AP2B1: variants seen among roughly 807,000 people sequenced by gnomAD.
The protein encoded by AP2B1 is AP-2 complex subunit beta.
A neutral mutation model predicts 102.0 loss-of-function variants in AP2B1; 23 were observed. The observed-to-expected ratio is 0.23, with a 90% CI of 0.16 to 0.32. The LOEUF is 0.32. AP2B1 is among the 10% of genes least tolerant of loss of function. AP2B1 has a pLI of 1.00. For missense variants in AP2B1, 541 were observed against 1,157.4 expected (o/e 0.47, Z 7.73); for synonymous variants, 381 against 421.2 (o/e 0.90, Z 1.17).
intron 21 of AP2B1, among the ~76,000 whole-genome samples, chr17:35,718,312 CTGTGTGTGTGTGTGTGTG>C (rs57852031): frequency 0.15 from 20,779 of 139,316 alleles, 1,694 homozygotes; most frequent in South Asian, 0.27. Context: ...GTTGGAGTAG[CTGTGTGTGTGTGTGTGTG>C]TGTGTGTGTG....
chr17:35,691,569 C>G (rs1327373796), intron 18 of AP2B1, among the ~76,000 whole-genome samples: 1 of 152,230 alleles, frequency 6.6e-6, no homozygotes, highest in East Asian at 1.9e-4. Flanking sequence ...TTGAGGACTG[C>G]ACACTCTGAT....
chr17:35,699,070 G>A (rs926350232), intron 18 of AP2B1, among the ~76,000 whole-genome samples: 1 of 152,160 alleles, frequency 6.6e-6, no homozygotes, highest in African/African-American at 2.4e-5. Context: ...TAGCAGAATG[G>A]GTACTACAGG....
At chr17:35,703,428 C>G (rs1385634920) in intron 18 of AP2B1, among the ~76,000 whole-genome samples, 1 of 152,110 alleles carries the variant, frequency 6.6e-6, no homozygotes, top group Non-Finnish European at 1.5e-5. Context: ...TGGCATCAAC[C>G]TAAATGCCCA....
At chr17:35,637,082 T>G (rs1195320706) in intron 10 of AP2B1, among the ~76,000 whole-genome samples, 1 of 152,254 alleles carries the variant, frequency 6.6e-6, no homozygotes, top group African/African-American at 2.4e-5. Flanking sequence ...GCAAAAATAC[T>G]TTTTAGATTT....
At chr17:35,674,564 G>A (rs144707678) in intron 17 of AP2B1, among the ~76,000 whole-genome samples, 4 of 152,258 alleles carry the variant, frequency 2.6e-5, no homozygotes, top group South Asian at 2.1e-4. Flanking sequence ...AATGAGCTGA[G>A]CATGGTGGCA....
chr17:35,703,311 C>T (rs2076276685), intron 18 of AP2B1, among the ~76,000 whole-genome samples: 1 of 148,570 alleles, frequency 6.7e-6, no homozygotes, highest in Non-Finnish European at 1.5e-5. Flanking sequence ...CCACTCGACT[C>T]AGCAATCCCA....
At chr17:35,642,916 A>T (rs2074822655) in intron 12 of AP2B1, among the ~76,000 whole-genome samples, 1 of 152,138 alleles carries the variant, frequency 6.6e-6, no homozygotes, top group Non-Finnish European at 1.5e-5. Flanking sequence ...TATAAACATC[A>T]GTGGTTAATA....
At chr17:35,607,930 T>G in intron 4 of AP2B1, 1 of 590,252 alleles carries the variant, frequency 1.7e-6, no homozygotes, top group Non-Finnish European at 2.9e-6. Flanking sequence ...ATTTTGTATT[T>G]AAAACAGTTA....
rs587736457 is a variant in AP2B1, at chr17:35,689,168, A to G, written c.2454+6344A>G. ...CATTTATATCACTTAATCTGTAAGT[A>G]TTTTAGTATGTCTCGTATTTTGTTT... On this transcript the variant is annotated intron_variant, in intron 18 of 21. Coordinates refer to ENST00000610402, the MANE Select transcript of AP2B1 (RefSeq NM_001030006.2). Among the ~76,000 whole-genome samples, 17 of 152,162 alleles carry G rather than the reference A, an allele frequency of 1.1e-4. No homozygotes were observed. The South Asian group carries it at 3.3e-3, about 30-fold the overall frequency.
intron 21 of AP2B1, among the ~76,000 whole-genome samples, chr17:35,721,722 C>T (rs916471286): frequency 6.6e-6 from 1 of 152,190 alleles, no homozygotes; most frequent in South Asian, 2.1e-4. Context: ...AATGAACCTC[C>T]AGCTGGAGGA....
At chr17:35,675,251 T>C (rs892754764) in intron 17 of AP2B1, among the ~76,000 whole-genome samples, 1 of 152,246 alleles carries the variant, frequency 6.6e-6, no homozygotes, top group African/African-American at 2.4e-5. Flanking sequence ...CTTAATGGCA[T>C]GTCCATTCAT....
intron 20 of AP2B1, among the ~76,000 whole-genome samples, chr17:35,712,452 C>T (rs2076470623): frequency 6.6e-6 from 1 of 152,034 alleles, no homozygotes; most frequent in African/African-American, 2.4e-5. Context: ...CATGGTGAAA[C>T]CCTGTCTCTA....
intron 17 of AP2B1, among the ~76,000 whole-genome samples, chr17:35,675,831 T>G (rs1567962058): frequency 6.6e-6 from 1 of 151,914 alleles, no homozygotes; most frequent in African/African-American, 2.4e-5. Flanking sequence ...CTCTAATCGT[T>G]AAAAAAAATC....
At chr17:35,614,836 T>C (rs1170846499) in intron 5 of AP2B1, among the ~76,000 whole-genome samples, 2 of 152,112 alleles carry the variant, frequency 1.3e-5, no homozygotes, top group Non-Finnish European at 2.9e-5. Context: ...AAAATAACAT[T>C]TTTCTTCTCA....
chr17:35,694,427 A>ATTTTTTTTTTTT (rs1555581002), intron 18 of AP2B1, among the ~76,000 whole-genome samples: 1 of 114,536 alleles, frequency 8.7e-6, no homozygotes, highest in Non-Finnish European at 1.8e-5. Context: ...TTTTTTTTTA[A>ATTTTTTTTTTTT]TTTTTTAATT....
At chr17:35,632,470 G>A (rs938161131) in intron 9 of AP2B1, among the ~76,000 whole-genome samples, 3 of 151,972 alleles carry the variant, frequency 2.0e-5, no homozygotes, top group East Asian at 1.9e-4. Flanking sequence ...TTAATCAACC[G>A]GGAAATAATT....
chr17:35,596,303 A>G (rs1174288010), intron 2 of AP2B1, among the ~76,000 whole-genome samples: 1 of 152,218 alleles, frequency 6.6e-6, no homozygotes, highest in Admixed American at 6.5e-5. Flanking sequence ...CATGGTGAAG[A>G]GTCCTATGAA....
chr17:35,691,813 A>G (rs1019656466), intron 18 of AP2B1, among the ~76,000 whole-genome samples: 1 of 152,206 alleles, frequency 6.6e-6, no homozygotes, highest in Non-Finnish European at 1.5e-5. Flanking sequence ...CAAAAAATAA[A>G]ATAGAAAATT....
In AP2B1 at chr17:35,650,609, A is replaced by T; in HGVS notation, c.1616A>T (p.Glu539Val). 1 of 1,614,154 alleles carries T rather than the reference A, an allele frequency of 6.2e-7. No individual in the cohort carries two copies. Among genetic ancestry groups the T allele is most frequent in the Non-Finnish European group, 8.5e-7 (1 of 1,180,030 alleles). ...TCAACTGACCCTGTTACAGCTAAAG[A>T]AGTAGTCTTGTCTGAGAAGCCACTG... ...LLSTDPVTAK[E>V]VVLSEKPLIS... Residue 539 changes from glutamate (E) to valine (V), a missense_variant, in exon 13 of 22, where the codon GAA (glutamate) becomes GTA (valine). By Grantham distance (121) the Glu-to-Val change is moderately radical. Around this residue, in one of 10 missense-constraint regions of AP2B1, gnomAD observed 106 missense variants for 296.4 expected, o/e 0.36. Transcript: ENST00000610402.
Sources: allele counts gnomAD v4.1 joint callset (sites outside exome capture counted in the v4.1 genomes callset), GRCh38; gene constraint gnomAD v4.1.1; regional missense constraint gnomAD v4.1.1; transcripts MANE v1.5; gene names NCBI Gene and HGNC (gene_info 2026-07-23, HGNC 2026-07-21).